The following ANKFN1 variants were observed in gnomAD, a reference collection of about 807,000 sequenced individuals.
The protein encoded by ANKFN1 is ankyrin repeat and fibronectin type-III domain-containing protein 1.
ANKFN1 carries 74 observed loss-of-function variants against 108.7 expected under a neutral mutation model. That is an observed-to-expected ratio of 0.68 (90% CI 0.56 to 0.83). The LOEUF is 0.83. Among genes scored for constraint, ANKFN1 ranks in the 40% least tolerant of loss-of-function variants. ANKFN1 has a pLI of 0.00. For missense variants in ANKFN1, 1,505 were observed against 1,382.3 expected (o/e 1.09, Z -1.41); for synonymous variants, 547 against 516.2 (o/e 1.06, Z -0.81).
chr17:56,498,315 T>C (rs1014864121), intron 19 of ANKFN1, among the ~76,000 whole-genome samples: 2 of 152,166 alleles, frequency 1.3e-5, no homozygotes, highest in African/African-American at 4.8e-5. Flanking sequence ...GCTTTGCTTT[T>C]CTAGTTCACA....
At chr17:56,237,195 C>A (rs1352874538) in intron 3 of ANKFN1, among the ~76,000 whole-genome samples, 1 of 152,122 alleles carries the variant, frequency 6.6e-6, no homozygotes, top group Middle Eastern at 3.2e-3. Flanking sequence ...CATCAATGTT[C>A]ATAAAGGATA....
intron 1 of ANKFN1, among the ~76,000 whole-genome samples, chr17:56,198,534 A>C (rs1291209170): frequency 6.6e-6 from 1 of 152,202 alleles, no homozygotes; most frequent in African/African-American, 2.4e-5. Flanking sequence ...ACCCACCAAC[A>C]GGTACCAGTC....
rs139082777 is a variant in ANKFN1 at position 56,129,575 on chromosome 17, G to A, written c.288+83250G>A. 5.5e-3 allele frequency among the ~76,000 whole-genome samples: 828 copies of A among 151,796 alleles called. 8 individuals are homozygous for A. The highest frequency in any genetic ancestry group is 0.019 in the African/African-American group (792 of 41,358). ...TTAAATATTTTAAATGAAACATAAGGTTACTTTCTGAAATAGAACTTTACC... is the reference window on the plus strand; with the variant it reads ...TTAAATATTTTAAATGAAACATAAGATTACTTTCTGAAATAGAACTTTACC... On this transcript the variant is annotated intron_variant, in intron 4 of 12. Coordinates refer to the ANKFN1 transcript ENST00000635860.
At chr17:56,258,825 G>A (rs2144107210) in intron 3 of ANKFN1, among the ~76,000 whole-genome samples, 1 of 152,208 alleles carries the variant, frequency 6.6e-6, no homozygotes, top group Admixed American at 6.5e-5. Context: ...GCAGGAGAAT[G>A]GCGTGAACCC....
intron 4 of ANKFN1, among the ~76,000 whole-genome samples, chr17:56,146,556 A>T (rs1908272012): frequency 6.6e-6 from 1 of 152,212 alleles, no homozygotes; most frequent in Middle Eastern, 3.2e-3. Context: ...ATGCACCCAC[A>T]AACCCAACAC....
intron 20 of ANKFN1, among the ~76,000 whole-genome samples, chr17:56,504,281 T>C (rs1299340081): frequency 6.6e-6 from 1 of 152,198 alleles, no homozygotes; most frequent in Admixed American, 6.5e-5. Flanking sequence ...CTTCCTAGGT[T>C]ACCATGATTA....
chr17:56,439,412 T>A (rs2049030185), intron 8 of ANKFN1, among the ~76,000 whole-genome samples: 2 of 151,868 alleles, frequency 1.3e-5, no homozygotes, highest in African/African-American at 4.9e-5. Context: ...TTTTTACTGA[T>A]GATGCACAAT....
intron 8 of ANKFN1, among the ~76,000 whole-genome samples, chr17:56,408,457 A>G (rs533523116): frequency 6.6e-6 from 1 of 152,210 alleles, no homozygotes; most frequent in Admixed American, 6.5e-5. Context: ...TAGGATATAG[A>G]CACCTGTGAA....
Position 56,514,663 on chromosome 17 carries a change from A to C in ANKFN1, c.*3394A>C, listed in dbSNP as rs1210629055. 1.3e-5 allele frequency among the ~76,000 whole-genome samples: 2 copies of C among 152,256 alleles called. No individual in the cohort carries two copies. On this transcript the variant is annotated 3_prime_UTR_variant, in exon 21 of 21. Coordinates refer to ENST00000682825, the MANE Select transcript of ANKFN1 (RefSeq NM_001370326.1). ...TTTAAAGAACATTCACTAATGCTCG[A>C]AGCAATAATTACACTGGAGAAATTG...
intron 15 of ANKFN1, among the ~76,000 whole-genome samples, chr17:56,467,564 C>T (rs1396540527): frequency 1.3e-5 from 2 of 150,992 alleles, no homozygotes; most frequent in Non-Finnish European, 1.5e-5. Context: ...CCTCTAATCC[C>T]GGCTACTCAG....
chr17:56,135,505 C>T (rs1056879166), intron 4 of ANKFN1, among the ~76,000 whole-genome samples: 9 of 152,144 alleles, frequency 5.9e-5, no homozygotes, highest in Non-Finnish European at 1.2e-4. Context: ...TCTAATGTCT[C>T]AGTAGCAGCT....
intron 4 of ANKFN1, 52 bp downstream of exon 4, chr17:56,326,407 AT>A: frequency 1.3e-6 from 2 of 1,562,446 alleles, no homozygotes; most frequent in Non-Finnish European, 1.7e-6. Context: ...AGCTTTCTTA[AT>A]TACTGATTAT....
intron 8 of ANKFN1, among the ~76,000 whole-genome samples, chr17:56,386,369 C>T (rs1176949875): frequency 6.6e-6 from 1 of 151,790 alleles, no homozygotes; most frequent in African/African-American, 2.4e-5. Context: ...ATACGTAATG[C>T]TAAATGACAA....
chr17:56,179,994 G>T (rs1054358739), intron 1 of ANKFN1, among the ~76,000 whole-genome samples: 1 of 152,144 alleles, frequency 6.6e-6, no homozygotes, highest in Non-Finnish European at 1.5e-5. Flanking sequence ...AAATACTTTT[G>T]TATGACTGAA....
intron 18 of ANKFN1, among the ~76,000 whole-genome samples, chr17:56,489,072 A>G (rs2145406934): frequency 6.6e-6 from 1 of 152,348 alleles, no homozygotes; most frequent in Admixed American, 6.5e-5. Flanking sequence ...ACAGGTGGTG[A>G]GTGGCAGAAG....
chr17:56,306,899 A>G (rs1183675948), intron 3 of ANKFN1, among the ~76,000 whole-genome samples: 1 of 152,246 alleles, frequency 6.6e-6, no homozygotes, highest in African/African-American at 2.4e-5. Context: ...AATGGAACAG[A>G]ACAGAGGCCT....
chr17:56,238,158 A>C (rs763414409), intron 3 of ANKFN1, among the ~76,000 whole-genome samples: 3 of 151,986 alleles, frequency 2.0e-5, no homozygotes, highest in Non-Finnish European at 4.4e-5. Flanking sequence ...ATATGATTTC[A>C]GTTCTTTTGC....
intron 20 of ANKFN1, among the ~76,000 whole-genome samples, chr17:56,500,340 G>C (rs1256882081): frequency 6.6e-6 from 1 of 152,160 alleles, no homozygotes; most frequent in Non-Finnish European, 1.5e-5. Flanking sequence ...TTGGCAAGTG[G>C]AAGAACTTAG....
intron 8 of ANKFN1, among the ~76,000 whole-genome samples, chr17:56,385,006 C>A (rs1278057941): frequency 6.6e-6 from 1 of 151,280 alleles, no homozygotes; most frequent in Non-Finnish European, 1.5e-5. Flanking sequence ...GAGCCCGCAT[C>A]GCCAAGTCAA....
Sources: allele counts gnomAD v4.1 joint callset (sites outside exome capture counted in the v4.1 genomes callset), GRCh38; gene constraint gnomAD v4.1.1; transcripts MANE v1.5; gene names NCBI Gene and HGNC (gene_info 2026-07-23, HGNC 2026-07-21).